CTNNA3: variants seen among roughly 807,000 people sequenced by gnomAD.
The protein encoded by CTNNA3 is catenin alpha 3.
CTNNA3 carries 76 observed loss-of-function variants against 95.7 expected under a neutral mutation model. That is an observed-to-expected ratio of 0.79 (90% CI 0.66 to 0.96). The LOEUF is 0.96. Ranked by LOEUF, CTNNA3 falls within the 40% of genes least tolerant of loss-of-function variation. The probability of loss-of-function intolerance (pLI) is 0.00; values close to 1 mark genes in which losing one functional copy is unlikely to be tolerated. For synonymous variants in CTNNA3, 431 were observed against 374.4 expected (o/e 1.15, Z -1.74); for missense variants, 1,191 against 1,089.8 (o/e 1.09, Z -1.31).
At chr10:67,296,638 A>G (rs986103571) in intron 5 of CTNNA3, among the ~76,000 whole-genome samples, 2 of 152,162 alleles carry the variant, frequency 1.3e-5, no homozygotes, top group African/African-American at 4.8e-5. Flanking sequence ...TGCTGTATCA[A>G]GGGTTCAGTG....
At chr10:67,699,397 C>A (rs1477367519), upstream of CTNNA3, among the ~76,000 whole-genome samples, 2 of 152,170 alleles carry the variant, frequency 1.3e-5, no homozygotes, top group Non-Finnish European at 2.9e-5. Context: ...TATCAACAAC[C>A]TCCAGGTGGC....
intron 5 of CTNNA3, among the ~76,000 whole-genome samples, chr10:67,440,982 C>A (rs1846491808): frequency 6.6e-6 from 1 of 151,922 alleles, no homozygotes; most frequent in South Asian, 2.1e-4. Context: ...ATACTGGCGA[C>A]ACAGAGATAG....
chr10:65,958,747 T>C (rs1285747406), intron 17 of CTNNA3, among the ~76,000 whole-genome samples: 3 of 152,156 alleles, frequency 2.0e-5, no homozygotes, highest in Non-Finnish European at 4.4e-5. Context: ...TGATCCCTCC[T>C]CTGGAAGCTT....
chr10:66,290,911 T>C (rs947177744), intron 12 of CTNNA3, among the ~76,000 whole-genome samples: 7 of 152,310 alleles, frequency 4.6e-5, no homozygotes, highest in East Asian at 1.9e-4. Flanking sequence ...GCTAATGATG[T>C]AAATTGATAT....
chr10:66,730,738 C>A (rs188524969), intron 9 of CTNNA3, among the ~76,000 whole-genome samples: 1 of 152,206 alleles, frequency 6.6e-6, no homozygotes, highest in African/African-American at 2.4e-5. Flanking sequence ...AGAATAAGAC[C>A]TTGAGTGACT....
intron 13 of CTNNA3, among the ~76,000 whole-genome samples, chr10:66,244,897 C>T (rs984061669): frequency 1.3e-5 from 2 of 152,166 alleles, no homozygotes; most frequent in African/African-American, 4.8e-5. Flanking sequence ...AAATAAGACA[C>T]CAGAGACCAA....
intron 7 of CTNNA3, among the ~76,000 whole-genome samples, chr10:67,128,649 G>A (rs1356909268): frequency 6.6e-6 from 1 of 152,020 alleles, no homozygotes; most frequent in Non-Finnish European, 1.5e-5. Flanking sequence ...TTCTTCCTCA[G>A]TATTACTTTG....
intron 7 of CTNNA3, among the ~76,000 whole-genome samples, chr10:66,793,116 G>A (rs542079018): frequency 1.3e-5 from 2 of 152,144 alleles, no homozygotes; most frequent in Non-Finnish European, 2.9e-5. Context: ...GTGTAATGAG[G>A]TTTTGGGGGG....
intron 10 of CTNNA3, among the ~76,000 whole-genome samples, chr10:66,609,820 T>A (rs1326204279): frequency 6.6e-6 from 1 of 152,118 alleles, no homozygotes; most frequent in Non-Finnish European, 1.5e-5. Context: ...GCAGCACTAT[T>A]CACCATAGCA....
intron 7 of CTNNA3, among the ~76,000 whole-genome samples, chr10:67,091,041 A>T (rs1007864615): frequency 3.3e-5 from 5 of 152,040 alleles, no homozygotes; most frequent in African/African-American, 4.8e-5. Flanking sequence ...TCTTAATATT[A>T]CTCAAATAAT....
chr10:66,789,384 A>G (rs1336011657), intron 7 of CTNNA3, among the ~76,000 whole-genome samples: 3 of 151,992 alleles, frequency 2.0e-5, no homozygotes, highest in African/African-American at 7.3e-5. Context: ...CATGTTGGCC[A>G]GGCTGGTCTT....
chr10:67,397,428 T>C (rs1185484291), intron 5 of CTNNA3, among the ~76,000 whole-genome samples: 1 of 152,158 alleles, frequency 6.6e-6, no homozygotes, highest in East Asian at 1.9e-4. Flanking sequence ...CCCTAGAGAC[T>C]TGTGGAACTT....
chr10:65,990,421 A>T, intron 15 of CTNNA3, among the ~76,000 whole-genome samples: 1 of 147,786 alleles, frequency 6.8e-6, no homozygotes. Flanking sequence ...AATAATAGTC[A>T]TTCTAACTGG....
chr10:67,542,031 C>T (rs906209017), intron 3 of CTNNA3, among the ~76,000 whole-genome samples: 3 of 152,064 alleles, frequency 2.0e-5, no homozygotes, highest in Non-Finnish European at 4.4e-5. Context: ...AGAAAGAGAT[C>T]ATTTAAACAA....
intron 7 of CTNNA3, among the ~76,000 whole-genome samples, chr10:67,094,493 A>G (rs920973383): frequency 1.3e-4 from 19 of 151,832 alleles, no homozygotes; most frequent in African/African-American, 4.3e-4. Context: ...TTAAAAAGAA[A>G]ATTACTGGCC....
At chr10:66,842,082 C>A (rs1288493038) in intron 7 of CTNNA3, among the ~76,000 whole-genome samples, 1 of 152,054 alleles carries the variant, frequency 6.6e-6, no homozygotes. Flanking sequence ...AGCACGCACA[C>A]CAAACCTGGC....
chr10:67,252,218 CAAAAAAA>C lies in CTNNA3; in HGVS notation c.580-32355_580-32349del, dbSNP rs34502404. 3.4e-5 allele frequency among the ~76,000 whole-genome samples: 3 copies of C among 87,252 alleles called. No homozygotes were observed. The East Asian group carries it at 1.2e-3, about 35-fold the overall frequency. The allele number at this position is 87,252 out of a possible 152,430, so 57.2% of individuals were successfully genotyped here. On this transcript the variant is annotated intron_variant, in intron 5 of 17. Coordinates refer to ENST00000433211, the MANE Select transcript of CTNNA3 (RefSeq NM_013266.4). ...AGAGCAACAGAGTGAAACACTGTCT[CAAAAAAA>C]AAAAAAAAAAAGACCTAAGGACTAA...
rs753104442 is a variant in CTNNA3 at position 66,927,225 on chromosome 10, T to C, written c.1048-151701A>G. On this transcript the variant is annotated intron_variant, in intron 7 of 17. Coordinates refer to ENST00000433211, the MANE Select transcript of CTNNA3 (RefSeq NM_013266.4). The surrounding 1 kb of genome is among the most constrained non-coding windows in gnomAD (Gnocchi z 4.7). The stretch of plus-strand genomic sequence containing the variant: ...ACCATATCAGCAATATTGACGAAAA[T>C]GCTTTTAATGGAATACGCAGACTCA... 2 of 1,614,116 alleles carry C rather than the reference T, an allele frequency of 1.2e-6. No homozygotes were observed. Among genetic ancestry groups the C allele is most frequent in the East Asian group, 4.5e-5 (2 of 44,888 alleles).
In CTNNA3 at chr10:66,127,738, TTAA is replaced by T. The variant is rs527982827; in HGVS notation, c.1885-24492_1885-24490del. ...CAAAAGTACTATATGAATGAAGATG[TTAA>T]TAATAAGGGTATAAGCCATATGGGA... is the stretch of plus-strand genomic sequence containing the variant. On this transcript the variant is annotated intron_variant, in intron 13 of 17. Transcript: ENST00000433211. Among the ~76,000 whole-genome samples the T allele has an allele frequency of 2.6e-5, 4 of 152,334 alleles. No individual in the cohort carries two copies. In the South Asian group the frequency reaches 6.2e-4, roughly 24 times the overall value.
Sources: allele counts gnomAD v4.1 joint callset (sites outside exome capture counted in the v4.1 genomes callset), GRCh38; gene constraint gnomAD v4.1.1; non-coding constraint Gnocchi (gnomAD v3.1); transcripts MANE v1.5; gene names NCBI Gene and HGNC (gene_info 2026-07-23, HGNC 2026-07-21).